Variants in USP13 observed in about 807,000 individuals in gnomAD.
USP13 encodes the protein ubiquitin carboxyl-terminal hydrolase 13.
In USP13, 68 loss-of-function variants were observed where a neutral mutation model predicts 107.8. The observed-to-expected ratio is 0.63, with a 90% CI of 0.52 to 0.77. The LOEUF (loss-of-function observed/expected upper bound fraction) is 0.77, where lower values mean the gene tolerates loss of function less well. Among genes scored for constraint, USP13 ranks in the 30% least tolerant of loss-of-function variants. The probability of loss-of-function intolerance (pLI) is 0.00; values close to 1 mark genes in which losing one functional copy is unlikely to be tolerated. For synonymous variants in USP13, 377 were observed against 389.5 expected (o/e 0.97, Z 0.38); for missense variants, 945 against 1,093.3 (o/e 0.86, Z 1.91).
At chr3:179,725,420 T>C (rs1713478876) in intron 8 of USP13, among the ~76,000 whole-genome samples, 1 of 152,184 alleles carries the variant, frequency 6.6e-6, no homozygotes, top group Non-Finnish European at 1.5e-5. Flanking sequence ...CTAAATAGTT[T>C]AACTCTGAAG....
intron 6 of USP13, among the ~76,000 whole-genome samples, chr3:179,713,843 C>T (rs960639012): frequency 2.6e-5 from 4 of 152,132 alleles, no homozygotes; most frequent in South Asian, 2.1e-4. Context: ...CCAATAAGGA[C>T]ATATTTGTCT....
chr3:179,654,077 G>C (rs1315737094), intron 1 of USP13, among the ~76,000 whole-genome samples: 1 of 152,072 alleles, frequency 6.6e-6, no homozygotes, highest in Non-Finnish European at 1.5e-5. Context: ...AGCCGGGCGC[G>C]GTGGCGGGAG....
At chr3:179,660,497 G>A (rs1720426316) in intron 1 of USP13, among the ~76,000 whole-genome samples, 1 of 152,166 alleles carries the variant, frequency 6.6e-6, no homozygotes, top group Non-Finnish European at 1.5e-5. Context: ...TCATATATAT[G>A]TACATGTATT....
chr3:179,653,517 G>A lies in USP13; in HGVS notation c.168+124G>A. ...TCCTCCGGGCGGCAGAGTTGGCTCA[G>A]GAACACTGCAGTTCGGCAGACACTT... On this transcript the variant is annotated intron_variant, in intron 1 of 20. Coordinates refer to ENST00000263966, the MANE Select transcript of USP13 (RefSeq NM_003940.3). The surrounding 1 kb of genome is among the most constrained non-coding windows in gnomAD (Gnocchi z 4.0). 3.0e-6 allele frequency: 4 copies of A among 1,334,508 alleles called. No individual in the cohort carries two copies. Among genetic ancestry groups the A allele is most frequent in the Non-Finnish European group, 4.1e-6 (4 of 984,860 alleles). 82.7% of individuals were successfully genotyped at this position (1,334,508 alleles called of 1,614,324 possible). A position where few individuals can be genotyped will look rare whatever the true frequency, so the allele number is the denominator to read the frequency against.
chr3:179,740,188 G>A (rs1302974924), intron 10 of USP13, 59 bp from the exon 11 acceptor site: 29 of 1,603,840 alleles, frequency 1.8e-5, no homozygotes, highest in Middle Eastern at 1.7e-4. Context: ...TCTGCTTGCC[G>A]CTTAGGGCTG....
At position 179,701,639 on chromosome 3, in the gene USP13, A is replaced by G. The variant is rs151195898; in HGVS notation, c.477+510A>G. On this transcript the variant is annotated intron_variant, in intron 4 of 20. Transcript: ENST00000263966. ...AAAAAGAACAAAGCATTTACAAACT[A>G]CAGATCTGCGGGAGCTCTGGGATTA... Among the ~76,000 whole-genome samples, 134 of 152,370 alleles carry G rather than the reference A, an allele frequency of 8.8e-4. 1 individual carries two copies. The highest frequency in any genetic ancestry group is 3.1e-3 in the African/African-American group (127 of 41,586).
chr3:179,677,947 A>C (rs1001967524), intron 1 of USP13, among the ~76,000 whole-genome samples: 1 of 152,214 alleles, frequency 6.6e-6, no homozygotes, highest in Non-Finnish European at 1.5e-5. Context: ...AACAACATTT[A>C]TGTATTGCCA....
intron 8 of USP13, among the ~76,000 whole-genome samples, chr3:179,724,643 A>T (rs1713449602): frequency 1.3e-5 from 2 of 152,290 alleles, no homozygotes; most frequent in Admixed American, 6.5e-5. Flanking sequence ...AATAATTTTT[A>T]TTGAGGATTA....
rs540229216 is a variant in USP13, at chr3:179,725,204, G to A, written c.1088+3615G>A. Among the ~76,000 whole-genome samples the A allele has an allele frequency of 1.3e-3, 194 of 152,218 alleles. 1 individual carries two copies. The highest frequency in any genetic ancestry group is 4.2e-4 in the South Asian group (2 of 4,810). On this transcript the variant is annotated intron_variant, in intron 8 of 20. Transcript: ENST00000263966. ...TCCATCCTGGGCGAGGGAGTGAGAC[G>A]CTGTCTTGAAAAAATAAAATTTATT...
At chr3:179,658,488 T>C (rs1489406880) in intron 1 of USP13, among the ~76,000 whole-genome samples, 3 of 152,188 alleles carry the variant, frequency 2.0e-5, no homozygotes, top group Non-Finnish European at 2.9e-5. Context: ...TTGCCTTAGC[T>C]TGGGTCAACT....
At chr3:179,712,588 A>G (rs1219595884) in intron 6 of USP13, among the ~76,000 whole-genome samples, 1 of 151,982 alleles carries the variant, frequency 6.6e-6, no homozygotes, top group Non-Finnish European at 1.5e-5. Flanking sequence ...TATGCTATTA[A>G]ATATTCTTCA....
At chr3:179,687,659 CAAA>C (rs71182509) in intron 2 of USP13, among the ~76,000 whole-genome samples, 47 of 18,524 alleles carry the variant, frequency 2.5e-3, no homozygotes, top group Middle Eastern at 0.025. Flanking sequence ...AACTCTGTCT[CAAA>C]AAAAAAAAAA....
At chr3:179,761,393 A>AT in intron 17 of USP13, 138 bp downstream of exon 17, 3 of 1,174,796 alleles carry the variant, frequency 2.6e-6, no homozygotes, top group South Asian at 1.7e-5. Context: ...AGTGGAGGAG[A>AT]AAGCCAGTCT....
chr3:179,765,579 C>A (rs916669659), intron 18 of USP13, 116 bp from the exon 19 acceptor site: 9 of 1,268,622 alleles, frequency 7.1e-6, no homozygotes, highest in Non-Finnish European at 9.7e-6. Flanking sequence ...GCACTTAGGA[C>A]TAATTAATTC....
At chr3:179,689,920 C>T (rs746616824) in intron 2 of USP13, among the ~76,000 whole-genome samples, 11 of 152,158 alleles carry the variant, frequency 7.2e-5, no homozygotes, top group Non-Finnish European at 1.2e-4. Flanking sequence ...TTTTCAATGT[C>T]AGGCCTGGGC....
At chr3:179,677,348 C>T (rs1163792670) in intron 1 of USP13, among the ~76,000 whole-genome samples, 2 of 151,746 alleles carry the variant, frequency 1.3e-5, no homozygotes, top group South Asian at 2.1e-4. Context: ...TTTGGGAGGC[C>T]GAGGTGGGTG....
intron 13 of USP13, among the ~76,000 whole-genome samples, chr3:179,747,266 C>T (rs992195948): frequency 6.6e-6 from 1 of 152,194 alleles, no homozygotes; most frequent in Admixed American, 6.5e-5. Flanking sequence ...CCTCTACACA[C>T]TCTATTAGTG....
intron 15 of USP13, among the ~76,000 whole-genome samples, 188 bp downstream of exon 15, chr3:179,755,042 T>C (rs1402320638): frequency 1.3e-5 from 2 of 151,936 alleles, no homozygotes; most frequent in African/African-American, 4.8e-5. Context: ...AAAATAGACA[T>C]TGTAAGAGGC....
intron 2 of USP13, among the ~76,000 whole-genome samples, chr3:179,682,247 G>GAAA (rs55876994): frequency 0.38 from 55,705 of 145,186 alleles, 11,786 homozygotes; most frequent in Admixed American, 0.47. Flanking sequence ...TGACTAATTG[G>GAAA]AAAAAAAAAA....
Sources: gnomAD v4.1 joint callset for allele counts (sites outside exome capture counted in the v4.1 genomes callset) on GRCh38, gnomAD v4.1.1 for gene constraint, Gnocchi (gnomAD v3.1) non-coding constraint, MANE v1.5 for transcripts, NCBI Gene and HGNC (gene_info 2026-07-23, HGNC 2026-07-21) for gene names.